The following ITGA2 variants were observed in gnomAD, a reference collection of about 807,000 sequenced individuals.
ITGA2 encodes integrin subunit alpha 2.
A neutral mutation model predicts 146.3 loss-of-function variants in ITGA2; 101 were observed. The observed-to-expected ratio is 0.69, with a 90% CI of 0.59 to 0.81. The LOEUF (loss-of-function observed/expected upper bound fraction) is 0.81, where lower values mean the gene tolerates loss of function less well. Ranked by LOEUF, ITGA2 falls within the 40% of genes least tolerant of loss-of-function variation. The pLI, the probability that ITGA2 is intolerant of heterozygous loss-of-function variation, is 0.00. For missense variants in ITGA2, 1,281 were observed against 1,402.7 expected (o/e 0.91, Z 1.39); for synonymous variants, 477 against 487.1 (o/e 0.98, Z 0.27).
At chr5:53,061,308 T>C (rs916104220) in intron 12 of ITGA2, among the ~76,000 whole-genome samples, 18 of 151,920 alleles carry the variant, frequency 1.2e-4, no homozygotes, top group Non-Finnish European at 2.7e-4. Context: ...TAAAACTCAG[T>C]CCTTTCTGGA....
At position 53,090,939 on chromosome 5, in the gene ITGA2, TATG is replaced by T. The variant is rs1740389297; in HGVS notation, c.*343_*345del. On this transcript the variant is annotated 3_prime_UTR_variant, in exon 30 of 30. Coordinates refer to ENST00000296585, the MANE Select transcript of ITGA2 (RefSeq NM_002203.4). ...AAGCATGACAACTTTTAAAGAAAAA[TATG>T]ATACTCTCAGATTTTAAGGGGGAAA... 1.9e-6 allele frequency: 1 copy of T among 539,564 alleles called. No individual in the cohort carries two copies. Among genetic ancestry groups the T allele is most frequent in the Admixed American group, 3.4e-5 (1 of 29,314 alleles). 33.4% of individuals were successfully genotyped at this position (539,564 alleles called of 1,614,324 possible).
intron 28 of ITGA2, among the ~76,000 whole-genome samples, chr5:53,087,465 G>GA (rs1579913558): frequency 6.6e-6 from 1 of 152,056 alleles, no homozygotes; most frequent in African/African-American, 2.4e-5. Flanking sequence ...ATTGTATTTT[G>GA]AAAAATTTTT....
intron 1 of ITGA2, among the ~76,000 whole-genome samples, chr5:53,009,041 G>A (rs1387162556): frequency 6.6e-6 from 1 of 152,058 alleles, no homozygotes; most frequent in Non-Finnish European, 1.5e-5. Context: ...CACACAGTGG[G>A]GTGCAAGACA....
At chr5:53,079,216 T>G (rs1052712716) in intron 24 of ITGA2, among the ~76,000 whole-genome samples, 1 of 152,108 alleles carries the variant, frequency 6.6e-6, no homozygotes, top group Non-Finnish European at 1.5e-5. Flanking sequence ...TTATGTGTCT[T>G]GGGTAAGGGA....
At chr5:53,070,035 C>T (rs1745318064) in intron 16 of ITGA2, 74 bp from the exon 17 acceptor site, 1 of 1,233,366 alleles carries the variant, frequency 8.1e-7, no homozygotes, top group Non-Finnish European at 1.2e-6. Context: ...TCCAAGAAGA[C>T]ACAATAAAGC....
chr5:53,011,780 G>A (rs542367594), intron 1 of ITGA2, among the ~76,000 whole-genome samples: 2 of 151,958 alleles, frequency 1.3e-5, no homozygotes, highest in Non-Finnish European at 2.9e-5. Flanking sequence ...AAGGTAGGAT[G>A]GGACCAAGAA....
intron 24 of ITGA2, among the ~76,000 whole-genome samples, chr5:53,079,974 G>C (rs912981225): frequency 1.3e-5 from 2 of 152,128 alleles, no homozygotes; most frequent in Non-Finnish European, 2.9e-5. Flanking sequence ...CCAGTGCCCT[G>C]TGCCAGCACA....
At chr5:53,086,412 GTCAAGT>G (rs779437420) in intron 27 of ITGA2, among the ~76,000 whole-genome samples, 19 of 152,272 alleles carry the variant, frequency 1.2e-4, no homozygotes, top group Admixed American at 1.1e-3. Flanking sequence ...GCCATGGGTG[GTCAAGT>G]TCAAGTGCAC....
intron 1 of ITGA2, among the ~76,000 whole-genome samples, chr5:52,994,479 A>T (rs1243192535): frequency 6.6e-6 from 1 of 152,186 alleles, no homozygotes; most frequent in Non-Finnish European, 1.5e-5. Context: ...GACCAATGAG[A>T]TCTGCTGGGT....
Position 53,078,884 on chromosome 5 carries a change from C to T in ITGA2, c.2928+10C>T. The stretch of plus-strand genomic sequence containing the variant: ...CATCTTCTCCCTGAAGGTTGGTAAG[C>T]CTGTCATAAGGATGGCAAATCCAGG... On this transcript the variant is annotated intron_variant, in intron 24 of 29. Transcript: ENST00000296585. 6.7e-7 allele frequency: 1 copy of T among 1,499,788 alleles called. No homozygotes were observed. Among genetic ancestry groups the T allele is most frequent in the Non-Finnish European group, 9.3e-7 (1 of 1,076,846 alleles). The allele number at this position is 1,499,788 out of a possible 1,614,324, so 92.9% of individuals were successfully genotyped here.
chr5:52,992,878 T>A (rs1273703505), intron 1 of ITGA2, among the ~76,000 whole-genome samples: 7 of 152,108 alleles, frequency 4.6e-5, no homozygotes, highest in South Asian at 4.1e-4. Flanking sequence ...TATGCTTTCC[T>A]GAACACAAAT....
chr5:53,070,291 T>G (rs752048718), intron 17 of ITGA2, 31 bp downstream of exon 17: 2 of 1,609,674 alleles, frequency 1.2e-6, no homozygotes, highest in South Asian at 2.2e-5. Flanking sequence ...CTTTTGACTT[T>G]ATTTCTTCCT....
At position 53,060,005 on chromosome 5, in the gene ITGA2, A is replaced by T; in HGVS notation, c.1305A>T (p.Ser435=). 1 of 1,612,196 alleles carries T rather than the reference A, an allele frequency of 6.2e-7. No homozygotes were observed. Among genetic ancestry groups the T allele is most frequent in the Non-Finnish European group, 8.5e-7 (1 of 1,178,796 alleles). ...DQILQDRNHS[S]YLGYSVAAIS... is the part of the protein sequence containing the mutation. ...TTCTGCAGGACAGAAATCACAGTTC[A>T]TATTTAGGTAAGGCATGGTAATAAT... The change falls in exon 11 of 30, where the codon TCA becomes TCT. Residue 435 remains serine (S), a synonymous_variant. Coordinates refer to ENST00000296585, the MANE Select transcript of ITGA2 (RefSeq NM_002203.4).
At chr5:53,022,601 C>T (rs969041558) in intron 1 of ITGA2, among the ~76,000 whole-genome samples, 1 of 152,140 alleles carries the variant, frequency 6.6e-6, no homozygotes. Context: ...GACAGAGTCT[C>T]TGTCACCCAG....
chr5:53,012,042 T>C (rs924666599), intron 1 of ITGA2, among the ~76,000 whole-genome samples: 11 of 152,156 alleles, frequency 7.2e-5, no homozygotes, highest in Non-Finnish European at 1.5e-4. Flanking sequence ...CAGTAAAGGG[T>C]TATTTATATG....
rs1164530689 is a variant in ITGA2 at position 53,093,855 on chromosome 5, C to CTG, written c.*3257_*3258insGT. 1 of 152,558 alleles carries CTG rather than the reference C, an allele frequency of 6.6e-6. No individual in the cohort carries two copies. The highest frequency in any genetic ancestry group is 1.5e-5 in the Non-Finnish European group (1 of 68,018). The allele number at this position is 152,558 out of a possible 1,614,324, so 9.5% of individuals were successfully genotyped here. On this transcript the variant is annotated 3_prime_UTR_variant, in exon 30 of 30. Coordinates refer to ENST00000296585, the MANE Select transcript of ITGA2 (RefSeq NM_002203.4). ...GATAGTAAAATAGCTTATGAAGAAA[C>CTG]TACAGAGATTTAAAATTGTGCATGA...
At chr5:53,067,023 T>C (rs1442570624) in intron 15 of ITGA2, 95 bp from the exon 16 acceptor site, 1 of 1,287,498 alleles carries the variant, frequency 7.8e-7, no homozygotes, top group Non-Finnish European at 1.1e-6. Context: ...AGAGAAAAAT[T>C]CAGTAATGCT....
intron 1 of ITGA2, among the ~76,000 whole-genome samples, chr5:53,015,837 A>G (rs548181662): frequency 1.3e-5 from 2 of 152,082 alleles, no homozygotes; most frequent in Non-Finnish European, 2.9e-5. Flanking sequence ...TACATGATAT[A>G]ATGCCCTTCT....
At chr5:53,003,335 T>G (rs1458455322) in intron 1 of ITGA2, among the ~76,000 whole-genome samples, 1 of 152,148 alleles carries the variant, frequency 6.6e-6, no homozygotes, top group African/African-American at 2.4e-5. Flanking sequence ...ACTGTTCTGG[T>G]TACCCCTTGA....
Sources: gnomAD v4.1 joint callset for allele counts (sites outside exome capture counted in the v4.1 genomes callset) on GRCh38, gnomAD v4.1.1 for gene constraint, MANE v1.5 for transcripts, NCBI Gene and HGNC (gene_info 2026-07-23, HGNC 2026-07-21) for gene names.